SGCZ: variants seen among roughly 807,000 people sequenced by gnomAD.
The protein encoded by SGCZ is zeta-sarcoglycan.
A neutral mutation model predicts 41.3 loss-of-function variants in SGCZ; 40 were observed. The ratio of observed to expected loss-of-function variants is 0.97; its 90% CI spans 0.75 to 1.26. The LOEUF (loss-of-function observed/expected upper bound fraction) is 1.26, where lower values mean the gene tolerates loss of function less well. SGCZ is among the 50% of genes most tolerant of loss of function. The pLI, the probability that SGCZ is intolerant of heterozygous loss-of-function variation, is 0.00. For missense variants in SGCZ, 552 were observed against 369.8 expected, an observed-to-expected ratio of 1.49 and a Z score of -4.04; for synonymous variants, 206 against 137.5, an observed-to-expected ratio of 1.50 and a Z score of -3.49.
chr8:15,008,978 G>A (rs1417226827), intron 1 of SGCZ, among the ~76,000 whole-genome samples: 1 of 152,020 alleles, frequency 6.6e-6, no homozygotes. Context: ...CACAATACTA[G>A]GTTATAAAAC....
chr8:14,199,467 C>A (rs1463833630), intron 4 of SGCZ, among the ~76,000 whole-genome samples: 2 of 151,998 alleles, frequency 1.3e-5, no homozygotes, highest in South Asian at 2.1e-4. Flanking sequence ...GCCCTGCCTC[C>A]ATTTGCCTTG....
chr8:15,086,983 CAA>C (rs139933786), intron 1 of SGCZ, among the ~76,000 whole-genome samples: 4,067 of 152,210 alleles, frequency 0.027, 74 homozygotes, highest in Admixed American at 0.053. Context: ...CTCATCTTCT[CAA>C]GAGATGACAT....
chr8:14,937,872 T>A (rs1039913704), intron 1 of SGCZ, among the ~76,000 whole-genome samples: 1 of 152,112 alleles, frequency 6.6e-6, no homozygotes, highest in Non-Finnish European at 1.5e-5. Context: ...CATCTGATAT[T>A]TTTAAAAATT....
At chr8:14,330,873 A>T (rs1341867586) in intron 2 of SGCZ, among the ~76,000 whole-genome samples, 1 of 152,018 alleles carries the variant, frequency 6.6e-6, no homozygotes, top group Non-Finnish European at 1.5e-5. Context: ...TGAATGATTT[A>T]TCACTAAAAA....
At chr8:14,318,946 A>G (rs1207311075) in intron 3 of SGCZ, among the ~76,000 whole-genome samples, 1 of 151,862 alleles carries the variant, frequency 6.6e-6, no homozygotes, top group African/African-American at 2.4e-5. Context: ...TATACAAAAA[A>G]AAATATGAAT....
At chr8:14,485,912 G>A (rs1256830053) in intron 2 of SGCZ, among the ~76,000 whole-genome samples, 1 of 136,094 alleles carries the variant, frequency 7.3e-6, no homozygotes, top group Non-Finnish European at 1.5e-5. Flanking sequence ...CGCAATCTCG[G>A]CTCACTGCAA....
rs1801528146 is a variant in SGCZ at position 14,086,568 on chromosome 8, C to G, written c.*3875G>C. On this transcript the variant is annotated 3_prime_UTR_variant, in exon 8 of 8. Coordinates refer to ENST00000382080, the MANE Select transcript of SGCZ (RefSeq NM_139167.4). ...TTTAGCTTTATGGAGGTAATAATCA[C>G]AGAATGTTCATATTTGGTTAATATT... Among the ~76,000 whole-genome samples the G allele has an allele frequency of 6.6e-6, 1 of 151,596 alleles. No individual in the cohort carries two copies. The highest frequency in any genetic ancestry group is 2.4e-5 in the African/African-American group (1 of 41,350).
rs190491899 is a variant in SGCZ, at chr8:15,176,776, C to G, written c.39+60809G>C. Among the ~76,000 whole-genome samples the G allele has an allele frequency of 2.1e-3, 318 of 152,188 alleles. 3 individuals carry two copies. Among genetic ancestry groups the G allele is most frequent in the Admixed American group, 0.018 (280 of 15,278 alleles). ...CAGCACTTTGGGAGGCCGAGGTGGG[C>G]GGATCACAAGGTCAGGAGATCGAGA... On this transcript the variant is annotated intron_variant, in intron 1 of 7. Coordinates refer to ENST00000382080, the MANE Select transcript of SGCZ (RefSeq NM_139167.4).
intron 1 of SGCZ, among the ~76,000 whole-genome samples, chr8:14,918,876 T>G (rs1457309843): frequency 6.6e-6 from 1 of 152,172 alleles, no homozygotes; most frequent in Non-Finnish European, 1.5e-5. Flanking sequence ...GAAAATATGT[T>G]GAAAACTGAA....
At chr8:14,296,755 A>T (rs531425391) in intron 3 of SGCZ, among the ~76,000 whole-genome samples, 6 of 152,286 alleles carry the variant, frequency 3.9e-5, no homozygotes, top group East Asian at 3.9e-4. Context: ...AAGGCTATTT[A>T]CTTAATCTAA....
At chr8:14,520,854 C>T (rs547892544) in intron 2 of SGCZ, among the ~76,000 whole-genome samples, 36 of 152,068 alleles carry the variant, frequency 2.4e-4, no homozygotes, top group African/African-American at 8.7e-4. Context: ...AATAACAGTG[C>T]ACATTTTTAG....
At chr8:14,591,715 G>T (rs761137215) in intron 1 of SGCZ, among the ~76,000 whole-genome samples, 19 of 152,072 alleles carry the variant, frequency 1.2e-4, no homozygotes, top group Non-Finnish European at 1.9e-4. Context: ...AAAGCTTCCT[G>T]CATAATTTTA....
At chr8:14,474,451 A>G (rs936981276) in intron 2 of SGCZ, among the ~76,000 whole-genome samples, 1 of 152,218 alleles carries the variant, frequency 6.6e-6, no homozygotes, top group South Asian at 2.1e-4. Flanking sequence ...GCTAAAAATT[A>G]GTTCTTAAAC....
At chr8:14,662,974 G>A (rs112724332) in intron 1 of SGCZ, among the ~76,000 whole-genome samples, 201 of 152,280 alleles carry the variant, frequency 1.3e-3, no homozygotes, top group African/African-American at 4.5e-3. Flanking sequence ...CAGTCTTACA[G>A]TCTCAAGGAA....
At chr8:14,872,470 T>C (rs1199255592) in intron 1 of SGCZ, among the ~76,000 whole-genome samples, 1 of 152,138 alleles carries the variant, frequency 6.6e-6, no homozygotes, top group Non-Finnish European at 1.5e-5. Context: ...TGAGAAAATA[T>C]GCTGTTTAAT....
At chr8:15,059,253 A>C (rs945364692) in intron 1 of SGCZ, among the ~76,000 whole-genome samples, 6 of 152,192 alleles carry the variant, frequency 3.9e-5, no homozygotes, top group African/African-American at 1.4e-4. Context: ...TTCTAAACTA[A>C]CAAAAATATT....
intron 5 of SGCZ, among the ~76,000 whole-genome samples, chr8:14,147,501 C>A (rs1803562625): frequency 6.6e-6 from 1 of 152,150 alleles, no homozygotes; most frequent in Non-Finnish European, 1.5e-5. Flanking sequence ...GGTATCGATT[C>A]AGCAAGAGGA....
intron 1 of SGCZ, among the ~76,000 whole-genome samples, chr8:14,782,629 T>A (rs1800625416): frequency 6.6e-6 from 1 of 151,956 alleles, no homozygotes; most frequent in African/African-American, 2.4e-5. Context: ...AATCCAGTTG[T>A]GACTCAGATT....
At chr8:15,187,418 G>A (rs192698069) in intron 1 of SGCZ, among the ~76,000 whole-genome samples, 6 of 152,154 alleles carry the variant, frequency 3.9e-5, no homozygotes, top group African/African-American at 1.2e-4. Flanking sequence ...TTTAGAACAG[G>A]ATAGTTTTAG....
Sources: gnomAD v4.1 joint callset for allele counts (sites outside exome capture counted in the v4.1 genomes callset) on GRCh38, gnomAD v4.1.1 for gene constraint, MANE v1.5 for transcripts, NCBI Gene and HGNC (gene_info 2026-07-23, HGNC 2026-07-21) for gene names.